The following TIPRL variants were observed in gnomAD, a reference collection of about 807,000 sequenced individuals.
TIPRL encodes TOR signaling pathway regulator.
TIPRL carries 10 observed loss-of-function variants against 32.3 expected under a neutral mutation model. The ratio of observed to expected loss-of-function variants is 0.31; its 90% CI spans 0.19 to 0.52. The LOEUF (loss-of-function observed/expected upper bound fraction) is 0.52, where lower values mean the gene tolerates loss of function less well. Among genes scored for constraint, TIPRL ranks in the 20% least tolerant of loss-of-function variants. The pLI, the probability that TIPRL is intolerant of heterozygous loss-of-function variation, is 0.96. For missense variants in TIPRL, 250 were observed against 328.1 expected (o/e 0.76, Z 1.84); for synonymous variants, 100 against 114.0 (o/e 0.88, Z 0.78).
intron 3 of TIPRL, among the ~76,000 whole-genome samples, chr1:168,188,639 C>T (rs1032970808): frequency 3.5e-4 from 53 of 152,124 alleles, no homozygotes; most frequent in African/African-American, 1.1e-3. Flanking sequence ...CTTAGTTTGC[C>T]TGCCTTGGTC....
intron 3 of TIPRL, among the ~76,000 whole-genome samples, chr1:168,190,175 A>G (rs967316998): frequency 6.6e-6 from 1 of 152,188 alleles, no homozygotes; most frequent in African/African-American, 2.4e-5. Context: ...GACTGGTTAT[A>G]TGCCCTGCCC....
At chr1:168,191,598 G>T in intron 4 of TIPRL, 98 bp downstream of exon 4, 1 of 1,090,254 alleles carries the variant, frequency 9.2e-7, no homozygotes, top group Non-Finnish European at 1.2e-6. Flanking sequence ...CTGGCCGGGC[G>T]CGGTGGCTCA....
intron 2 of TIPRL, 127 bp downstream of exon 2, chr1:168,184,208 T>C (rs1248868883): frequency 2.2e-6 from 2 of 897,822 alleles, no homozygotes; most frequent in Non-Finnish European, 3.2e-6. Flanking sequence ...ATTATTAAAC[T>C]TGAGAGTTGT....
intron 3 of TIPRL, among the ~76,000 whole-genome samples, chr1:168,187,731 C>T (rs1405700519): frequency 6.6e-6 from 1 of 152,150 alleles, no homozygotes; most frequent in Non-Finnish European, 1.5e-5. Flanking sequence ...AGTCCCAGCA[C>T]TTTGGGAGGC....
intron 6 of TIPRL, among the ~76,000 whole-genome samples, 154 bp downstream of exon 6, chr1:168,199,135 A>T (rs147351121): frequency 1.3e-5 from 2 of 152,124 alleles, no homozygotes; most frequent in Non-Finnish European, 2.9e-5. Flanking sequence ...ATGGGAGCAT[A>T]ACTTTTCTGA....
chr1:168,180,341 T>TG (rs1437645794), intron 1 of TIPRL, among the ~76,000 whole-genome samples: 1 of 152,082 alleles, frequency 6.6e-6, no homozygotes, highest in Admixed American at 6.6e-5. Flanking sequence ...GAGAAGCAGA[T>TG]GGGGGCAGGG....
At chr1:168,191,873 A>AG (rs1413716484) in intron 4 of TIPRL, among the ~76,000 whole-genome samples, 1 of 151,664 alleles carries the variant, frequency 6.6e-6, no homozygotes, top group Non-Finnish European at 1.5e-5. Flanking sequence ...AAAAAAAAAA[A>AG]AAAAAAAGAA....
intron 4 of TIPRL, 63 bp from the exon 5 acceptor site, chr1:168,196,484 A>C: frequency 8.2e-7 from 1 of 1,216,718 alleles, no homozygotes; most frequent in Non-Finnish European, 1.1e-6. Context: ...TTTTTCTTTC[A>C]GCAAAGTAAT....
rs1271874399 is a variant in TIPRL, at chr1:168,181,896, A to G, written c.105-2006A>G. On this transcript the variant is annotated intron_variant, in intron 1 of 6. Coordinates refer to ENST00000367833, the MANE Select transcript of TIPRL (RefSeq NM_152902.5). ...GACAACATGGTGTAACCCCGCCTCT[A>G]CTAGAAATACAAAAAAAATTATCTG... Among the ~76,000 whole-genome samples the G allele has an allele frequency of 2.2e-4, 34 of 151,554 alleles. 1 individual carries two copies. Among genetic ancestry groups the G allele is most frequent in the Admixed American group, 2.2e-3 (34 of 15,194 alleles).
At chr1:168,181,375 C>G (rs927965284) in intron 1 of TIPRL, among the ~76,000 whole-genome samples, 1 of 151,226 alleles carries the variant, frequency 6.6e-6, no homozygotes, top group Non-Finnish European at 1.5e-5. Context: ...CCACGCCCAG[C>G]TAATTTTGTA....
chr1:168,183,888 T>C lies in TIPRL; in HGVS notation c.105-14T>C, dbSNP rs748115894. On this transcript the variant is annotated splice_polypyrimidine_tract_variant and intron_variant, in intron 1 of 6. Transcript: ENST00000367833. ...GATATAAAATTATCTCACCCGACTTTTGGTTACGTATAGATTAGCCGATGA... is the reference window on the plus strand; with the variant it reads ...GATATAAAATTATCTCACCCGACTTCTGGTTACGTATAGATTAGCCGATGA... 3 of 1,593,120 alleles carry C rather than the reference T, an allele frequency of 1.9e-6. No homozygotes were observed. The African/African-American group carries it at 4.0e-5, about 21-fold the overall frequency.
chr1:168,182,498 T>G (rs1699980021), intron 1 of TIPRL, among the ~76,000 whole-genome samples: 1 of 152,052 alleles, frequency 6.6e-6, no homozygotes, highest in Non-Finnish European at 1.5e-5. Context: ...TGGTGGCACG[T>G]GCCTGTAATC....
At chr1:168,182,959 AT>A (rs1162460330) in intron 1 of TIPRL, among the ~76,000 whole-genome samples, 2 of 152,256 alleles carry the variant, frequency 1.3e-5, no homozygotes, top group African/African-American at 4.8e-5. Flanking sequence ...GAAAGTTAAC[AT>A]TGTTAGTCCT....
rs375198968 is a variant in TIPRL at position 168,179,057 on chromosome 1, T to C, written c.-21T>C. The C allele has an allele frequency of 3.1e-6, 5 of 1,610,164 alleles. No homozygotes were observed. The African/African-American group carries it at 6.7e-5, about 22-fold the overall frequency. On this transcript the variant is annotated 5_prime_UTR_variant, in exon 1 of 7. Transcript: ENST00000367833. ...CTGCTTCAGCTTATTCCTTGTGGCC[T>C]CTGCGGGTCCTGCCTCAGCCATGAT...
In TIPRL at chr1:168,191,622, A is replaced by G. The variant is rs540939824; in HGVS notation, c.516+122A>G. ...CGCGGTGGCTCACGCCTGTAATCCC[A>G]GCACTTTGAGAGGCTGAGGCGGGCT... On this transcript the variant is annotated intron_variant, in intron 4 of 6. Coordinates refer to ENST00000367833, the MANE Select transcript of TIPRL (RefSeq NM_152902.5). 2.0e-4 allele frequency: 152 copies of G among 775,256 alleles called. No individual in the cohort carries two copies. The African/African-American group carries it at 2.3e-3, about 12-fold the overall frequency. 48.0% of individuals were successfully genotyped at this position (775,256 alleles called of 1,614,324 possible).
At chr1:168,182,009 C>G (rs548747002) in intron 1 of TIPRL, among the ~76,000 whole-genome samples, 1 of 151,502 alleles carries the variant, frequency 6.6e-6, no homozygotes, top group South Asian at 2.1e-4. Context: ...GGTTGCAGTA[C>G]GCTGAGATCG....
rs1375318740 is a variant in TIPRL at position 168,179,004 on chromosome 1, G to A, written c.-74G>A. On this transcript the variant is annotated 5_prime_UTR_variant, in exon 1 of 7. Coordinates refer to ENST00000367833, the MANE Select transcript of TIPRL (RefSeq NM_152902.5). ...GCCTAGGAGGCTGGGCCGGAGGGAG[G>A]CGGAGGAACCGGTGTTCGCCGCCGC... The A allele has an allele frequency of 1.5e-6, 2 of 1,364,258 alleles. No individual in the cohort carries two copies. Among genetic ancestry groups the A allele is most frequent in the Non-Finnish European group, 2.0e-6 (2 of 984,156 alleles). 84.5% of individuals were successfully genotyped at this position (1,364,258 alleles called of 1,614,324 possible). A position where few individuals can be genotyped will look rare whatever the true frequency, so the allele number is the denominator to read the frequency against.
At chr1:168,182,612 C>T (rs749184226) in intron 1 of TIPRL, among the ~76,000 whole-genome samples, 1 of 151,844 alleles carries the variant, frequency 6.6e-6, no homozygotes, top group Non-Finnish European at 1.5e-5. Flanking sequence ...GGCAACAGAG[C>T]GAGACTCCGT....
chr1:168,200,875 G>A lies in TIPRL; in HGVS notation c.*829G>A, dbSNP rs1416674397. The A allele has an allele frequency of 6.6e-6, 1 of 152,086 alleles. No individual in the cohort carries two copies. The highest frequency in any genetic ancestry group is 1.5e-5 in the Non-Finnish European group (1 of 67,998). 9.4% of individuals were successfully genotyped at this position (152,086 alleles called of 1,614,324 possible). On this transcript the variant is annotated 3_prime_UTR_variant, in exon 7 of 7. Transcript: ENST00000367833. ...AAAAAGTCTAAAGGGTTTATTAGGG[G>A]TTGTTTTTCGCAAATATTACATCAA...
Sources: allele counts gnomAD v4.1 joint callset (sites outside exome capture counted in the v4.1 genomes callset), GRCh38; gene constraint gnomAD v4.1.1; transcripts MANE v1.5; gene names NCBI Gene and HGNC (gene_info 2026-07-23, HGNC 2026-07-21).